DSCAM: variants seen among roughly 807,000 people sequenced by gnomAD.
DSCAM encodes DS cell adhesion molecule.
A neutral mutation model predicts 217.7 loss-of-function variants in DSCAM; 47 were observed. The ratio of observed to expected loss-of-function variants is 0.22; its 90% CI spans 0.17 to 0.28. The LOEUF is 0.28. Ranked by LOEUF, DSCAM falls within the 10% of genes least tolerant of loss-of-function variation. The pLI is 1.00. For synonymous variants in DSCAM, 1,056 were observed against 1,015.3 expected, an observed-to-expected ratio of 1.04 and a Z score of -0.76; for missense variants, 2,080 against 2,618.3, an observed-to-expected ratio of 0.79 and a Z score of 4.49.
chr21:40,432,415 C>T (rs556304156), intron 3 of DSCAM, among the ~76,000 whole-genome samples: 8 of 152,150 alleles, frequency 5.3e-5, no homozygotes, highest in Admixed American at 2.0e-4. Flanking sequence ...CACCACCTCC[C>T]ACTTCGGCCC....
chr21:40,339,141 G>C lies in DSCAM; in HGVS notation c.1485C>G (p.Tyr495Ter). ...CACCTCTTACGTTTATTCGAGCCTG[G>C]TACAGGACGACTCCCGCCGAGTTGT... The part of the protein sequence containing the change: ...TANNSAGVVL[Y>*]QARINVRGPA... Residue 495 changes from tyrosine (Y) to a stop codon, truncating the protein, a stop_gained, in exon 7 of 33, where the codon TAC becomes TAG. Coordinates refer to ENST00000400454, the MANE Select transcript of DSCAM (RefSeq NM_001389.5). LOFTEE classifies it high-confidence loss of function. 6.2e-7 allele frequency: 1 copy of C among 1,614,084 alleles called. No homozygotes were observed. The highest frequency in any genetic ancestry group is 8.5e-7 in the Non-Finnish European group (1 of 1,180,014).
At chr21:40,368,956 A>C (rs74809011) in intron 4 of DSCAM, 143 bp downstream of exon 4, 4 of 893,504 alleles carry the variant, frequency 4.5e-6, no homozygotes, top group Non-Finnish European at 6.3e-6. Context: ...CATTTAAAAG[A>C]GTTTTAAAAT....
chr21:40,736,566 T>G (rs2091065203), intron 1 of DSCAM, among the ~76,000 whole-genome samples: 1 of 152,216 alleles, frequency 6.6e-6, no homozygotes, highest in Non-Finnish European at 1.5e-5. Context: ...ACCCTGTCAC[T>G]GTGACTTGGT....
At chr21:40,441,787 AT>A (rs1284544674) in intron 3 of DSCAM, among the ~76,000 whole-genome samples, 2 of 152,038 alleles carry the variant, frequency 1.3e-5, no homozygotes, top group Non-Finnish European at 2.9e-5. Context: ...ATCTTTTCCC[AT>A]CTACTCGCTG....
intron 1 of DSCAM, 62 bp downstream of exon 1, chr21:40,846,557 A>ACC (rs368854317): frequency 5.0e-5 from 4 of 79,568 alleles, no homozygotes; most frequent in African/African-American, 8.6e-5. Flanking sequence ...GCCACCCCCC[A>ACC]CCCCCCCGCC....
At chr21:40,803,830 A>T (rs1489297975) in intron 1 of DSCAM, among the ~76,000 whole-genome samples, 3 of 152,098 alleles carry the variant, frequency 2.0e-5, no homozygotes, top group Non-Finnish European at 2.9e-5. Flanking sequence ...TGTTGGGGAA[A>T]ATCCCACAGC....
intron 3 of DSCAM, among the ~76,000 whole-genome samples, chr21:40,489,723 C>T (rs901656413): frequency 1.6e-5 from 2 of 126,108 alleles, no homozygotes; most frequent in African/African-American, 3.0e-5. Flanking sequence ...TGCAGTGAGC[C>T]GAGATCCCGC....
At chr21:40,494,824 G>GT (rs35078874) in intron 3 of DSCAM, among the ~76,000 whole-genome samples, 10,259 of 142,042 alleles carry the variant, frequency 0.072, 452 homozygotes, top group South Asian at 0.12. Context: ...CTAAAGTTGG[G>GT]TTTTTTTTTT....
intron 1 of DSCAM, among the ~76,000 whole-genome samples, chr21:40,817,981 A>G (rs2091895253): frequency 2.0e-5 from 3 of 150,838 alleles, no homozygotes; most frequent in Admixed American, 2.0e-4. Context: ...CTGTAGTCCC[A>G]GCTACTCGGG....
intron 3 of DSCAM, among the ~76,000 whole-genome samples, chr21:40,673,404 G>C (rs921219047): frequency 6.6e-6 from 1 of 152,138 alleles, no homozygotes; most frequent in African/African-American, 2.4e-5. Flanking sequence ...AATGTTGTTT[G>C]GTCCTATGAA....
At chr21:40,730,252 G>A (rs982119420) in intron 1 of DSCAM, among the ~76,000 whole-genome samples, 15 of 152,186 alleles carry the variant, frequency 9.9e-5, no homozygotes, top group Admixed American at 9.2e-4. Flanking sequence ...TTGGAGAAAT[G>A]TCCTGGAGGC....
rs1470993985 is a variant in DSCAM at position 40,637,372 on chromosome 21, TATATAA to T, written c.508+55432_508+55437del. Among the ~76,000 whole-genome samples, 18 of 34,116 alleles carry T rather than the reference TATATAA, an allele frequency of 5.3e-4. 1 individual carries two copies. Among genetic ancestry groups the T allele is most frequent in the South Asian group, 1.2e-3 (1 of 824 alleles). 22.4% of individuals were successfully genotyped at this position (34,116 alleles called of 152,430 possible). ...ATAAATATAAATATATATATAAATA[TATATAA>T]ATATAAATATATATATAAATATATA... is the stretch of plus-strand genomic sequence containing the variant. On this transcript the variant is annotated intron_variant, in intron 3 of 32. Transcript: ENST00000400454.
chr21:40,505,760 A>G (rs1383944636), intron 3 of DSCAM, among the ~76,000 whole-genome samples: 1 of 152,076 alleles, frequency 6.6e-6, no homozygotes, highest in Non-Finnish European at 1.5e-5. Flanking sequence ...ACGTAAAATC[A>G]CTCGAGGAGT....
intron 3 of DSCAM, among the ~76,000 whole-genome samples, chr21:40,440,474 C>A (rs563882459): frequency 6.8e-3 from 73 of 10,728 alleles, no homozygotes; most frequent in Non-Finnish European, 7.7e-3. Flanking sequence ...TTAAAGACTC[C>A]GAAGTCCAAA....
chr21:40,810,950 C>A (rs2091832734), intron 1 of DSCAM, among the ~76,000 whole-genome samples: 1 of 152,018 alleles, frequency 6.6e-6, no homozygotes, highest in Non-Finnish European at 1.5e-5. Flanking sequence ...CACTTGGGGT[C>A]ATTGTATGTT....
At chr21:40,770,390 G>C (rs1215748313) in intron 1 of DSCAM, among the ~76,000 whole-genome samples, 3 of 152,126 alleles carry the variant, frequency 2.0e-5, no homozygotes, top group African/African-American at 7.2e-5. Flanking sequence ...ACCTCCAATG[G>C]CTAGGAAATT....
chr21:40,103,756 A>T (rs1028973818), intron 20 of DSCAM, among the ~76,000 whole-genome samples: 2 of 151,002 alleles, frequency 1.3e-5, no homozygotes, highest in African/African-American at 2.4e-5. Flanking sequence ...GGCTACTTTT[A>T]AAAAGCCTTT....
intron 4 of DSCAM, among the ~76,000 whole-genome samples, chr21:40,364,441 C>A (rs1462765127): frequency 6.7e-6 from 1 of 150,072 alleles, no homozygotes; most frequent in Non-Finnish European, 1.5e-5. Flanking sequence ...AAAAACCAAA[C>A]ACCGCATGTT....
chr21:40,408,490 A>AT (rs1569108492), intron 3 of DSCAM, among the ~76,000 whole-genome samples: 1 of 152,154 alleles, frequency 6.6e-6, no homozygotes. Context: ...TGGGCATCAC[A>AT]TTCAGTTTGG....
Sources: allele counts gnomAD v4.1 joint callset (sites outside exome capture counted in the v4.1 genomes callset), GRCh38; gene constraint gnomAD v4.1.1; transcripts MANE v1.5; gene names NCBI Gene and HGNC (gene_info 2026-07-23, HGNC 2026-07-21).